The following ERC1 variants were observed in gnomAD, a reference collection of about 807,000 sequenced individuals.
ERC1 encodes ELKS/RAB6-interacting/CAST family member 1.
ERC1 carries 56 observed loss-of-function variants against 132.0 expected under a neutral mutation model. The ratio of observed to expected loss-of-function variants is 0.42; its 90% CI spans 0.34 to 0.53. The LOEUF (loss-of-function observed/expected upper bound fraction) is 0.53, where lower values mean the gene tolerates loss of function less well. ERC1 is among the 20% of genes least tolerant of loss of function. The pLI, the probability that ERC1 is intolerant of heterozygous loss-of-function variation, is 0.03. For missense variants in ERC1, 1,202 were observed against 1,349.9 expected (o/e 0.89, Z 1.72); for synonymous variants, 478 against 476.1 (o/e 1.00, Z -0.05).
chr12:1,438,631 T>G (rs938747377), intron 17 of ERC1, among the ~76,000 whole-genome samples: 1 of 152,140 alleles, frequency 6.6e-6, no homozygotes, highest in Non-Finnish European at 1.5e-5. Context: ...CATCAATAAA[T>G]GTTAGCTTTA....
intron 3 of ERC1, among the ~76,000 whole-genome samples, chr12:1,094,386 CTTAT>C (rs1160348665): frequency 4.8e-5 from 7 of 147,146 alleles, no homozygotes; most frequent in African/African-American, 1.7e-4. Context: ...AGTTGCATAC[CTTAT>C]TTATTTAAGT....
At chr12:1,153,211 T>C (rs1446739324) in intron 8 of ERC1, among the ~76,000 whole-genome samples, 3 of 152,236 alleles carry the variant, frequency 2.0e-5, no homozygotes, top group Non-Finnish European at 4.4e-5. Flanking sequence ...TGAAGAACAC[T>C]GAGGTGACTC....
rs57334239 is a variant in ERC1 at position 1,289,084 on chromosome 12, TACACACACACAC to T, written c.2620-732_2620-721del. On this transcript the variant is annotated intron_variant, in intron 14 of 18. Coordinates refer to ENST00000360905, the MANE Select transcript of ERC1 (RefSeq NM_178040.4). ...TTCTGTCTCCTTTCTATCTGGTATG[TACACACACACAC>T]ACACACACACACACACACACACACA... is the stretch of plus-strand genomic sequence containing the variant. Among the ~76,000 whole-genome samples the T allele has an allele frequency of 9.3e-4, 96 of 102,882 alleles. 1 individual carries two copies. Among genetic ancestry groups the T allele is most frequent in the East Asian group, 3.3e-3 (12 of 3,638 alleles). 67.5% of individuals were successfully genotyped at this position (102,882 alleles called of 152,430 possible).
In ERC1 at chr12:1,263,173, A is replaced by G. The variant is rs773328114; in HGVS notation, c.2619+8A>G. ...ACCAATGCTGAAAAACAGGTCTGCT[A>G]TTTTATACAGTTCCAAGCAATGCTG... On this transcript the variant is annotated splice_region_variant and intron_variant, in intron 14 of 18. Transcript: ENST00000360905. 1.9e-6 allele frequency: 3 copies of G among 1,613,702 alleles called. No individual in the cohort carries two copies. The highest frequency in any genetic ancestry group is 2.2e-5 in the East Asian group (1 of 44,884).
chr12:1,198,100 A>T (rs1168137802), intron 12 of ERC1, among the ~76,000 whole-genome samples: 3 of 150,914 alleles, frequency 2.0e-5, no homozygotes, highest in African/African-American at 2.4e-5. Context: ...TAATTTTTGT[A>T]TTTTTTTTGT....
chr12:1,189,227 C>T (rs1955460655), intron 11 of ERC1, among the ~76,000 whole-genome samples: 1 of 152,092 alleles, frequency 6.6e-6, no homozygotes. Flanking sequence ...GTGTGGTTCT[C>T]GATTTCTGAA....
intron 1 of ERC1, among the ~76,000 whole-genome samples, chr12:1,026,219 G>A (rs888381707): frequency 6.6e-6 from 1 of 152,090 alleles, no homozygotes; most frequent in Non-Finnish European, 1.5e-5. Flanking sequence ...TTGTGCAGGG[G>A]AACTCCAATT....
intron 15 of ERC1, among the ~76,000 whole-genome samples, chr12:1,294,616 C>CT (rs1205107479): frequency 6.6e-6 from 1 of 152,062 alleles, no homozygotes; most frequent in Non-Finnish European, 1.5e-5. Context: ...CTTATCTTTT[C>CT]TTTTTTTCTC....
intron 2 of ERC1, among the ~76,000 whole-genome samples, chr12:1,034,476 G>A (rs4765965): frequency 0.53 from 80,003 of 151,942 alleles, 22,395 homozygotes; most frequent in African/African-American, 0.72. Flanking sequence ...AAAATTGCAT[G>A]TGAATAAACA....
chr12:1,070,052 T>TGA (rs147072663), intron 2 of ERC1, among the ~76,000 whole-genome samples: 65 of 149,674 alleles, frequency 4.3e-4, no homozygotes, highest in South Asian at 1.1e-3. Context: ...TAAGCAACAG[T>TGA]GAGAGAGAGA....
At chr12:1,136,853 G>A (rs1349277792) in intron 7 of ERC1, among the ~76,000 whole-genome samples, 1 of 151,742 alleles carries the variant, frequency 6.6e-6, no homozygotes, top group Non-Finnish European at 1.5e-5. Context: ...ATCTAGTGAT[G>A]TTCTCTTCAT....
At chr12:1,328,221 A>T (rs1314066952) in intron 15 of ERC1, among the ~76,000 whole-genome samples, 5 of 152,034 alleles carry the variant, frequency 3.3e-5, no homozygotes, top group African/African-American at 1.2e-4. Flanking sequence ...ATCACTGGTC[A>T]CTGTAACCTC....
chr12:1,126,225 C>G (rs181402015), intron 7 of ERC1, among the ~76,000 whole-genome samples: 11 of 152,122 alleles, frequency 7.2e-5, no homozygotes, highest in Admixed American at 4.6e-4. Context: ...ATGGGAGAAC[C>G]CTGCCCTGTG....
chr12:1,274,035 G>T (rs978958166), intron 14 of ERC1, among the ~76,000 whole-genome samples: 8 of 152,218 alleles, frequency 5.3e-5, no homozygotes, highest in Non-Finnish European at 1.0e-4. Context: ...AATTGCATGT[G>T]AGTGTTTTCT....
intron 1 of ERC1, among the ~76,000 whole-genome samples, chr12:1,025,481 T>A (rs1966848374): frequency 6.6e-6 from 1 of 152,174 alleles, no homozygotes; most frequent in South Asian, 2.1e-4. Flanking sequence ...CATAATTAAG[T>A]GTGTTGGTTG....
At chr12:1,043,901 C>T (rs897428816) in intron 2 of ERC1, among the ~76,000 whole-genome samples, 1 of 152,178 alleles carries the variant, frequency 6.6e-6, no homozygotes, top group Non-Finnish European at 1.5e-5. Flanking sequence ...TAGTTGTGCC[C>T]TGGCATTTAC....
At chr12:996,080 TTC>T (rs1187019484) in intron 1 of ERC1, among the ~76,000 whole-genome samples, 3 of 149,656 alleles carry the variant, frequency 2.0e-5, no homozygotes, top group Non-Finnish European at 4.4e-5. Flanking sequence ...AGTTTTTTAC[TTC>T]TCTGTTTTTT....
chr12:1,231,080 TTTG>T (rs2074996313), intron 12 of ERC1, among the ~76,000 whole-genome samples: 1 of 152,180 alleles, frequency 6.6e-6, no homozygotes, highest in African/African-American at 2.4e-5. Context: ...TTAAGGCCAT[TTTG>T]TTGTTCTCTG....
At chr12:1,263,662 CATG>C (rs1412297899) in intron 14 of ERC1, among the ~76,000 whole-genome samples, 1 of 152,014 alleles carries the variant, frequency 6.6e-6, no homozygotes, top group African/African-American at 2.4e-5. Context: ...AAAGAAAAAA[CATG>C]AACGTTTCTC....
Sources: gnomAD v4.1 joint callset for allele counts (sites outside exome capture counted in the v4.1 genomes callset) on GRCh38, gnomAD v4.1.1 for gene constraint, MANE v1.5 for transcripts, NCBI Gene and HGNC (gene_info 2026-07-23, HGNC 2026-07-21) for gene names.